CLSTN2: variants seen among roughly 807,000 people sequenced by gnomAD.
The protein encoded by CLSTN2 is calsyntenin-2.
In CLSTN2, 48 loss-of-function variants were observed where a neutral mutation model predicts 101.2. The observed-to-expected ratio is 0.47, with a 90% CI of 0.38 to 0.60. The LOEUF (loss-of-function observed/expected upper bound fraction) is 0.60, where lower values mean the gene tolerates loss of function less well. Among genes scored for constraint, CLSTN2 ranks in the 20% least tolerant of loss-of-function variants. The probability of loss-of-function intolerance (pLI) is 0.00; values close to 1 mark genes in which losing one functional copy is unlikely to be tolerated. For synonymous variants in CLSTN2, 481 were observed against 463.6 expected, an observed-to-expected ratio of 1.04 and a Z score of -0.48; for missense variants, 1,160 against 1,238.2, an observed-to-expected ratio of 0.94 and a Z score of 0.95.
At chr3:140,214,006 T>C (rs964819350) in intron 2 of CLSTN2, among the ~76,000 whole-genome samples, 1 of 152,094 alleles carries the variant, frequency 6.6e-6, no homozygotes, top group Non-Finnish European at 1.5e-5. Flanking sequence ...TATTCAGTGA[T>C]CAGAAAAGTT....
At chr3:140,534,742 C>A (rs1369342483) in intron 9 of CLSTN2, among the ~76,000 whole-genome samples, 1 of 152,160 alleles carries the variant, frequency 6.6e-6, no homozygotes, top group Non-Finnish European at 1.5e-5. Flanking sequence ...AGTCAGAAGG[C>A]CACATCTAAC....
intron 2 of CLSTN2, among the ~76,000 whole-genome samples, chr3:140,322,484 A>G (rs761974416): frequency 6.6e-6 from 1 of 152,352 alleles, no homozygotes; most frequent in East Asian, 1.9e-4. Flanking sequence ...GAATCATTTC[A>G]AGGGATTGTA....
At chr3:140,337,580 G>A (rs1387106692) in intron 2 of CLSTN2, among the ~76,000 whole-genome samples, 1 of 152,182 alleles carries the variant, frequency 6.6e-6, no homozygotes. Flanking sequence ...GGGACACAGT[G>A]CAACACATGA....
rs902908836 is a variant in CLSTN2, at chr3:139,953,085, T to A, written c.109+17602T>A. ...GGACCTGCTAATAGTGGCTTAGAAT[T>A]TGGGGCTTCCTCCCCAGAGGGAATG... On this transcript the variant is annotated intron_variant, in intron 1 of 16. Transcript: ENST00000458420. 4.6e-5 allele frequency among the ~76,000 whole-genome samples: 7 copies of A among 152,168 alleles called. No individual in the cohort carries two copies. In the South Asian group the frequency reaches 6.2e-4, roughly 14 times the overall value.
At chr3:140,496,340 C>T (rs1049818085) in intron 8 of CLSTN2, among the ~76,000 whole-genome samples, 4 of 152,144 alleles carry the variant, frequency 2.6e-5, no homozygotes, top group Non-Finnish European at 5.9e-5. Context: ...GCTGAAGTTG[C>T]TTATCAGCTT....
At chr3:140,392,180 C>A (rs1576545781) in intron 2 of CLSTN2, among the ~76,000 whole-genome samples, 1 of 149,048 alleles carries the variant, frequency 6.7e-6, no homozygotes, top group Non-Finnish European at 1.5e-5. Context: ...TCAAATTATA[C>A]AAATAATTGT....
intron 8 of CLSTN2, among the ~76,000 whole-genome samples, chr3:140,471,502 A>C (rs1322976594): frequency 6.6e-6 from 1 of 152,180 alleles, no homozygotes; most frequent in Admixed American, 6.5e-5. Context: ...GGATTCATTC[A>C]GTTGGCTGTT....
At chr3:140,008,961 G>C (rs1025108753) in intron 1 of CLSTN2, among the ~76,000 whole-genome samples, 1 of 152,206 alleles carries the variant, frequency 6.6e-6, no homozygotes, top group Non-Finnish European at 1.5e-5. Flanking sequence ...GGAATACAAA[G>C]ACTTTTTAAA....
At chr3:139,969,294 T>C (rs1312193068) in intron 1 of CLSTN2, among the ~76,000 whole-genome samples, 1 of 152,166 alleles carries the variant, frequency 6.6e-6, no homozygotes, top group Non-Finnish European at 1.5e-5. Context: ...CAATTGCTCT[T>C]TGTCTTTTCA....
chr3:140,255,804 T>A (rs1311487265), intron 2 of CLSTN2, among the ~76,000 whole-genome samples: 2 of 152,182 alleles, frequency 1.3e-5, no homozygotes, highest in Non-Finnish European at 2.9e-5. Context: ...GGAATTTTTT[T>A]AAATTTAGGC....
intron 1 of CLSTN2, among the ~76,000 whole-genome samples, chr3:140,125,125 A>G (rs1054563183): frequency 2.2e-4 from 33 of 152,124 alleles, no homozygotes; most frequent in African/African-American, 7.2e-4. Flanking sequence ...ACAGAGCCCA[A>G]CTTTAGTGGG....
chr3:139,936,148 T>C (rs1000058431), intron 1 of CLSTN2, among the ~76,000 whole-genome samples: 4 of 152,130 alleles, frequency 2.6e-5, no homozygotes, highest in Admixed American at 6.5e-5. Flanking sequence ...CCCTGTTCCT[T>C]TGAAGAGCTT....
At chr3:139,955,077 C>T (rs905738963) in intron 1 of CLSTN2, among the ~76,000 whole-genome samples, 1 of 123,290 alleles carries the variant, frequency 8.1e-6, no homozygotes, top group African/African-American at 3.1e-5. Flanking sequence ...TATATACACA[C>T]ATATATACAC....
At chr3:140,166,265 A>G (rs960885384) in intron 1 of CLSTN2, among the ~76,000 whole-genome samples, 2 of 152,184 alleles carry the variant, frequency 1.3e-5, no homozygotes, top group Non-Finnish European at 2.9e-5. Flanking sequence ...CCCATCAGTT[A>G]CCCCAAGGGT....
Position 140,225,456 on chromosome 3 carries a change from T to G in CLSTN2, c.232+49383T>G, listed in dbSNP as rs1056494622. On this transcript the variant is annotated intron_variant, in intron 2 of 16. Transcript: ENST00000458420. The stretch of plus-strand genomic sequence containing the variant: ...TTAGTGCAGCATAAAGTTCAAATAT[T>G]TTATGCAAGATGAATACGGGCACTG... Among the ~76,000 whole-genome samples the G allele has an allele frequency of 2.6e-5, 4 of 151,880 alleles. No homozygotes were observed. The East Asian group carries it at 7.8e-4, about 30-fold the overall frequency.
At chr3:140,470,030 A>T (rs2108023402) in intron 8 of CLSTN2, among the ~76,000 whole-genome samples, 1 of 152,308 alleles carries the variant, frequency 6.6e-6, no homozygotes, top group East Asian at 1.9e-4. Flanking sequence ...TGTAACTGTT[A>T]CAGAACTTTC....
chr3:140,404,001 A>T (rs184512372), intron 3 of CLSTN2, among the ~76,000 whole-genome samples, 177 bp downstream of exon 3: 1 of 152,052 alleles, frequency 6.6e-6, no homozygotes, highest in Admixed American at 6.6e-5. Context: ...TGCTTTCCAC[A>T]CCTGCAATAT....
chr3:140,544,015 G>T (rs947356379), intron 9 of CLSTN2, among the ~76,000 whole-genome samples: 13 of 152,194 alleles, frequency 8.5e-5, no homozygotes, highest in African/African-American at 3.1e-4. Context: ...CTTTAGGGCT[G>T]CCTTTGCAAG....
intron 1 of CLSTN2, among the ~76,000 whole-genome samples, chr3:140,099,263 C>T (rs188575485): frequency 6.6e-6 from 1 of 152,294 alleles, no homozygotes; most frequent in African/African-American, 2.4e-5. Context: ...TCTGTGCTCT[C>T]AACTCTGGGG....
Sources: gnomAD v4.1 joint callset for allele counts (sites outside exome capture counted in the v4.1 genomes callset) on GRCh38, gnomAD v4.1.1 for gene constraint, MANE v1.5 for transcripts, NCBI Gene and HGNC (gene_info 2026-07-23, HGNC 2026-07-21) for gene names.